ALCAM: variants seen among roughly 807,000 people sequenced by gnomAD.
ALCAM encodes activated leukocyte cell adhesion molecule.
ALCAM carries 30 observed loss-of-function variants against 70.9 expected under a neutral mutation model. That is an observed-to-expected ratio of 0.42 (90% CI 0.32 to 0.57). ALCAM has a LOEUF of 0.57. Among genes scored for constraint, ALCAM ranks in the 20% least tolerant of loss-of-function variants. The pLI is 0.11. For synonymous variants in ALCAM, 249 were observed against 242.5 expected (o/e 1.03, Z -0.25); for missense variants, 591 against 695.1 (o/e 0.85, Z 1.68).
chr3:105,480,829 T>G (rs908890477), intron 1 of ALCAM, among the ~76,000 whole-genome samples: 8 of 152,192 alleles, frequency 5.3e-5, no homozygotes, highest in Admixed American at 2.0e-4. Flanking sequence ...ACTAGAGATA[T>G]AAGTACTATT....
intron 1 of ALCAM, among the ~76,000 whole-genome samples, chr3:105,385,963 C>T (rs13079517): frequency 6.6e-6 from 1 of 151,276 alleles, no homozygotes; most frequent in Non-Finnish European, 1.5e-5. Flanking sequence ...CATAACTGAA[C>T]CAGTGAGAAT....
At position 105,547,301 on chromosome 3, in the gene ALCAM, G is replaced by A. The variant is rs975903743; in HGVS notation, c.1240+17G>A. 15 of 1,581,780 alleles carry A rather than the reference G, an allele frequency of 9.5e-6. No individual in the cohort carries two copies. The Admixed American group carries it at 1.9e-4, about 20-fold the overall frequency. On this transcript the variant is annotated intron_variant, in intron 10 of 15. Coordinates refer to ENST00000306107, the MANE Select transcript of ALCAM (RefSeq NM_001627.4). ...TTGTAGAAGGTAATAAAATACTTGG[G>A]CACTAATTCAAATTGTTCTTTGAGA...
chr3:105,423,515 A>T (rs1462859186), intron 1 of ALCAM, among the ~76,000 whole-genome samples: 3 of 150,752 alleles, frequency 2.0e-5, no homozygotes, highest in Non-Finnish European at 4.5e-5. Context: ...AAAAAAAAGA[A>T]AACATCATAT....
chr3:105,530,229 C>T (rs1404042258), intron 3 of ALCAM, among the ~76,000 whole-genome samples: 1 of 152,036 alleles, frequency 6.6e-6, no homozygotes, highest in East Asian at 1.9e-4. Flanking sequence ...GCATTCTTCT[C>T]TCAAATGTAT....
At chr3:105,386,962 GT>G (rs1372792268) in intron 1 of ALCAM, among the ~76,000 whole-genome samples, 3 of 151,464 alleles carry the variant, frequency 2.0e-5, no homozygotes, top group African/African-American at 7.3e-5. Flanking sequence ...TTTTCCAATA[GT>G]TTCAGCCTCA....
At chr3:105,552,712 G>T in intron 14 of ALCAM, 127 bp downstream of exon 14, 1 of 1,522,996 alleles carries the variant, frequency 6.6e-7, no homozygotes, top group Non-Finnish European at 8.8e-7. Flanking sequence ...CCCCAAATCA[G>T]GTTGATTATA....
intron 3 of ALCAM, among the ~76,000 whole-genome samples, chr3:105,528,136 T>A (rs892757210): frequency 1.3e-5 from 2 of 152,154 alleles, no homozygotes. Flanking sequence ...CCTCTCTTAT[T>A]AAATTGAGCT....
intron 14 of ALCAM, among the ~76,000 whole-genome samples, chr3:105,564,481 G>C (rs1940702074): frequency 6.6e-6 from 1 of 152,114 alleles, no homozygotes; most frequent in African/African-American, 2.4e-5. Flanking sequence ...CTGAACCTTT[G>C]TCTATCACTT....
intron 1 of ALCAM, among the ~76,000 whole-genome samples, chr3:105,489,735 G>A (rs1233572770): frequency 2.0e-5 from 3 of 151,648 alleles, no homozygotes; most frequent in South Asian, 4.1e-4. Context: ...AGGTACCAGT[G>A]TAAATACACA....
At chr3:105,450,803 G>A (rs566544431) in intron 1 of ALCAM, among the ~76,000 whole-genome samples, 4 of 152,270 alleles carry the variant, frequency 2.6e-5, no homozygotes, top group African/African-American at 4.8e-5. Flanking sequence ...GGGGCAAAGA[G>A]CCTAGAATGG....
In ALCAM at chr3:105,564,804, G is replaced by A. The variant is rs77025854; in HGVS notation, c.1665-7048G>A. 1.8e-3 allele frequency among the ~76,000 whole-genome samples: 269 copies of A among 152,292 alleles called. 1 individual carries two copies. Among genetic ancestry groups the A allele is most frequent in the African/African-American group, 6.1e-3 (252 of 41,554 alleles). On this transcript the variant is annotated intron_variant, in intron 14 of 15. Transcript: ENST00000306107. ...CTCACACTTGTAATCCCACCACTTC[G>A]GGAGGCCGAGGCAGGCAGATTGCTT... is the stretch of plus-strand genomic sequence containing the variant.
At chr3:105,384,114 A>G (rs1935592096) in intron 1 of ALCAM, among the ~76,000 whole-genome samples, 1 of 151,612 alleles carries the variant, frequency 6.6e-6, no homozygotes. Flanking sequence ...ATCTGGTTTT[A>G]TTTTTACAAA....
intron 1 of ALCAM, among the ~76,000 whole-genome samples, chr3:105,401,145 G>C (rs145451037): frequency 2.4e-3 from 371 of 152,288 alleles, no homozygotes; most frequent in Non-Finnish European, 4.5e-3. Context: ...GGCATTGATC[G>C]TTTCTTAGAA....
chr3:105,402,067 T>A (rs1936103800), intron 1 of ALCAM, among the ~76,000 whole-genome samples: 1 of 150,546 alleles, frequency 6.6e-6, no homozygotes. Context: ...GAAATAACAA[T>A]CATGAAGCTT....
Position 105,520,167 on chromosome 3 carries a change from T to C in ALCAM, c.174T>C (p.Tyr58=), listed in dbSNP as rs902629878. 1 of 1,604,986 alleles carries C rather than the reference T, an allele frequency of 6.2e-7. No individual in the cohort carries two copies. The change falls in exon 2 of 16, where the codon TAT becomes TAC. Residue 58 remains tyrosine (Y), a splice_region_variant and synonymous_variant. Transcript: ENST00000306107. ...PQNLMFGKWK[Y]EKPDGSPVFI... is the part of the protein sequence containing the mutation. ...ATCTCATGTTTGGCAAATGGAAATA[T>C]GTAAGTGTGACCTACCTGGGACTTG... is the stretch of plus-strand genomic sequence containing the variant.
chr3:105,478,302 T>C (rs1381263741), intron 1 of ALCAM, among the ~76,000 whole-genome samples: 4 of 152,162 alleles, frequency 2.6e-5, no homozygotes, highest in African/African-American at 9.6e-5. Flanking sequence ...TTCTACAGGC[T>C]TCTTGGAGTC....
At chr3:105,393,546 C>A (rs1050005458) in intron 1 of ALCAM, among the ~76,000 whole-genome samples, 1 of 151,760 alleles carries the variant, frequency 6.6e-6, no homozygotes, top group Non-Finnish European at 1.5e-5. Flanking sequence ...TTCTTGTGAT[C>A]CAGATAATTA....
At chr3:105,376,376 G>C (rs1464017430) in intron 1 of ALCAM, among the ~76,000 whole-genome samples, 1 of 152,130 alleles carries the variant, frequency 6.6e-6, no homozygotes, top group Admixed American at 6.6e-5. Flanking sequence ...ATAGATTAAA[G>C]GTTTTGACCT....
At position 105,532,046 on chromosome 3, in the gene ALCAM, G is replaced by A. The variant is rs201545016; in HGVS notation, c.439G>A (p.Glu147Lys). ...AATTGTAAGCAAAGCACTGTTTCTC[G>A]AAACAGAGCAGCTAAAAAAGGTAAG... ...PEIVSKALFL[E>K]TEQLKKLGDC... Residue 147 changes from glutamate (E) to lysine (K), a missense_variant, in exon 4 of 16, where the codon GAA becomes AAA. Physicochemically the swap from Glu to Lys is moderately conservative, Grantham distance 56 (BLOSUM62 1). Transcript: ENST00000306107. The A allele has an allele frequency of 1.5e-5, 25 of 1,613,180 alleles. No individual in the cohort carries two copies. Among genetic ancestry groups the A allele is most frequent in the Non-Finnish European group, 1.8e-5 (21 of 1,179,644 alleles).
Sources: gnomAD v4.1 joint callset for allele counts (sites outside exome capture counted in the v4.1 genomes callset) on GRCh38, gnomAD v4.1.1 for gene constraint, MANE v1.5 for transcripts, NCBI Gene and HGNC (gene_info 2026-07-23, HGNC 2026-07-21) for gene names.